SMARCA1: variants seen among roughly 807,000 people sequenced by gnomAD.
The protein encoded by SMARCA1 is SNF2 related chromatin remodeling ATPase 1.
SMARCA1 carries 17 observed loss-of-function variants against 93.6 expected under a neutral mutation model. The ratio of observed to expected loss-of-function variants is 0.18; its 90% CI spans 0.12 to 0.27. The LOEUF (loss-of-function observed/expected upper bound fraction) is 0.27, where lower values mean the gene tolerates loss of function less well. SMARCA1 is among the 10% of genes least tolerant of loss of function. The probability of loss-of-function intolerance (pLI) is 1.00; values close to 1 mark genes in which losing one functional copy is unlikely to be tolerated. For missense variants in SMARCA1, 630 were observed against 819.0 expected, an observed-to-expected ratio of 0.77 and a Z score of 2.82; for synonymous variants, 271 against 271.4, an observed-to-expected ratio of 1.00 and a Z score of 0.01.
chrX:129,519,124 T>C (rs1205326683), intron 1 of SMARCA1, among the ~76,000 whole-genome samples: 1 of 111,955 alleles, frequency 8.9e-6, no homozygotes, highest in East Asian at 2.8e-4. Flanking sequence ...GCTACTTAAC[T>C]ATTAATGTTT....
intron 8 of SMARCA1, 99 bp from the exon 9 acceptor site, chrX:129,504,901 T>G: frequency 2.0e-6 from 1 of 494,011 alleles, no homozygotes; most frequent in Non-Finnish European, 3.4e-6. Context: ...ATAATGCATT[T>G]AAAAAGTACT....
At chrX:129,501,384 C>T (rs1171654719) in intron 9 of SMARCA1, among the ~76,000 whole-genome samples, 1 of 110,128 alleles carries the variant, frequency 9.1e-6, no homozygotes, top group African/African-American at 3.3e-5. Flanking sequence ...CAACCTCCGC[C>T]TCCCAGGTTC....
intron 23 of SMARCA1, among the ~76,000 whole-genome samples, chrX:129,455,788 G>A (rs186896754): frequency 1.5e-4 from 17 of 111,989 alleles, no homozygotes; most frequent in South Asian, 1.5e-3. Flanking sequence ...GCTGAGAGAG[G>A]TAAGGAAGGT....
chrX:129,488,327 G>C (rs930089534), intron 16 of SMARCA1, among the ~76,000 whole-genome samples: 10 of 106,157 alleles, frequency 9.4e-5, no homozygotes, highest in Non-Finnish European at 5.8e-5. Context: ...ATACAGTCCT[G>C]GTCAGGCATG....
intron 13 of SMARCA1, among the ~76,000 whole-genome samples, chrX:129,492,349 AC>A (rs1191774583): frequency 8.9e-6 from 1 of 111,882 alleles, no homozygotes; most frequent in Non-Finnish European, 1.9e-5. Flanking sequence ...TTAAAAGCTT[AC>A]ATCGATAGAT....
At chrX:129,512,435 T>C (rs1275007742) in intron 5 of SMARCA1, among the ~76,000 whole-genome samples, 1 of 111,830 alleles carries the variant, frequency 8.9e-6, no homozygotes, top group Non-Finnish European at 1.9e-5. Flanking sequence ...TCAGACTATG[T>C]GTCTCAAGGG....
At chrX:129,476,362 G>T (rs1286788734) in intron 19 of SMARCA1, among the ~76,000 whole-genome samples, 1 of 111,756 alleles carries the variant, frequency 8.9e-6, no homozygotes, top group Non-Finnish European at 1.9e-5. Context: ...CAGCAATATT[G>T]CTGTGACCTT....
intron 19 of SMARCA1, among the ~76,000 whole-genome samples, chrX:129,474,958 C>G (rs1221252946): frequency 1.8e-5 from 2 of 110,884 alleles, no homozygotes; most frequent in Non-Finnish European, 3.8e-5. Context: ...ACATGGAGGA[C>G]CTGACTTGCT....
At chrX:129,464,290 C>T (rs1932857276) in intron 23 of SMARCA1, among the ~76,000 whole-genome samples, 1 of 112,523 alleles carries the variant, frequency 8.9e-6, no homozygotes, top group African/African-American at 3.2e-5. Flanking sequence ...ACTCAGTCAA[C>T]TTTTGGACAA....
At chrX:129,497,123 T>A (rs1344228742) in intron 11 of SMARCA1, among the ~76,000 whole-genome samples, 1 of 110,870 alleles carries the variant, frequency 9.0e-6, no homozygotes, top group Non-Finnish European at 1.9e-5. Context: ...TGCAACGACT[T>A]AAAAGATTGC....
intron 9 of SMARCA1, among the ~76,000 whole-genome samples, chrX:129,501,263 T>A (rs760929461): frequency 9.1e-6 from 1 of 109,538 alleles, no homozygotes; most frequent in Non-Finnish European, 1.9e-5. Flanking sequence ...CATCGGTTCA[T>A]CCAAAAACAA....
chrX:129,494,451 T>C (rs949461079), intron 12 of SMARCA1, among the ~76,000 whole-genome samples: 25 of 111,701 alleles, frequency 2.2e-4, no homozygotes, highest in African/African-American at 7.5e-4. Flanking sequence ...TGTTTCCCCA[T>C]AGAGGTAGCA....
intron 1 of SMARCA1, 89 bp downstream of exon 1, chrX:129,523,108 C>T: frequency 9.7e-7 from 1 of 1,028,631 alleles, no homozygotes; most frequent in Non-Finnish European, 1.3e-6. Flanking sequence ...CCGCGGGTAC[C>T]TGTCGGCGCC....
At chrX:129,516,633 G>A (rs1012337793) in intron 2 of SMARCA1, 136 bp from the exon 3 acceptor site, 11 of 495,788 alleles carry the variant, frequency 2.2e-5, no homozygotes, top group Admixed American at 4.1e-5. Context: ...AACCTATGAC[G>A]TAATTACAAG....
intron 9 of SMARCA1, among the ~76,000 whole-genome samples, chrX:129,500,371 T>A (rs1934512455): frequency 8.9e-6 from 1 of 112,113 alleles, no homozygotes; most frequent in Non-Finnish European, 1.9e-5. Context: ...TTTCACCATG[T>A]TGGCCAGGCT....
chrX:129,523,420 CT>C lies in SMARCA1; in HGVS notation c.-51del, dbSNP rs770494659. On this transcript the variant is annotated 5_prime_UTR_variant, in exon 1 of 25. Coordinates refer to ENST00000371121, the MANE Select transcript of SMARCA1 (RefSeq NM_001282874.2). ...GGGACAAGGCAGGGGACGAGGGCTCCTGGGCGGCGGCAGTGGCTGCACTGGA... is the reference window on the plus strand; with the variant it reads ...GGGACAAGGCAGGGGACGAGGGCTCCGGGCGGCGGCAGTGGCTGCACTGGA... 1.9e-5 allele frequency: 20 copies of C among 1,063,258 alleles called. No homozygotes were observed. In the East Asian group the frequency reaches 6.3e-4, roughly 34 times the overall value. 87.6% of individuals were successfully genotyped at this position (1,063,258 alleles called of 1,213,427 possible).
At chrX:129,484,011 A>T (rs1253413585) in intron 17 of SMARCA1, among the ~76,000 whole-genome samples, 1 of 112,371 alleles carries the variant, frequency 8.9e-6, no homozygotes, top group Non-Finnish European at 1.9e-5. Flanking sequence ...TTCAGAAAAA[A>T]ATGTGATTCT....
intron 14 of SMARCA1, among the ~76,000 whole-genome samples, chrX:129,491,577 T>C (rs991841933): frequency 4.5e-5 from 5 of 112,021 alleles, no homozygotes; most frequent in African/African-American, 1.6e-4. Context: ...AGGATTTTAA[T>C]ATATTTAGTT....
chrX:129,456,224 T>C (rs1357925571), intron 23 of SMARCA1, among the ~76,000 whole-genome samples: 2 of 111,705 alleles, frequency 1.8e-5, no homozygotes, highest in African/African-American at 3.3e-5. Flanking sequence ...AAGGCTGGGG[T>C]GACAGCACTA....
Sources: gnomAD v4.1 joint callset for allele counts (sites outside exome capture counted in the v4.1 genomes callset) on GRCh38, gnomAD v4.1.1 for gene constraint, MANE v1.5 for transcripts, NCBI Gene and HGNC (gene_info 2026-07-23, HGNC 2026-07-21) for gene names.